The following TMEM217 variants were observed in gnomAD, a reference collection of about 807,000 sequenced individuals.
TMEM217 encodes chromosome 6 open reading frame 128.
For synonymous variants in TMEM217, 76 were observed against 88.3 expected, an observed-to-expected ratio of 0.86 and a Z score of 0.78; for missense variants, 204 against 248.8, an observed-to-expected ratio of 0.82 and a Z score of 1.21.
chr6:37,235,234 C>A (rs779350873), intron 1 of TMEM217, among the ~76,000 whole-genome samples: 2 of 152,100 alleles, frequency 1.3e-5, no homozygotes, highest in Non-Finnish European at 2.9e-5. Context: ...GGAAGTGATT[C>A]CAATTCCATC....
chr6:37,253,081 T>C (rs1373803947), intron 1 of TMEM217, among the ~76,000 whole-genome samples: 30 of 152,212 alleles, frequency 2.0e-4, no homozygotes, highest in Admixed American at 2.0e-3. Flanking sequence ...ACCCATATAT[T>C]CTTATTGAAA....
intron 1 of TMEM217, among the ~76,000 whole-genome samples, chr6:37,224,458 C>T (rs181015947): frequency 0.02 from 3,060 of 150,358 alleles, 100 homozygotes; most frequent in African/African-American, 0.068. Context: ...ATTAGCCGGG[C>T]GTGGTGGCGG....
intron 1 of TMEM217, among the ~76,000 whole-genome samples, chr6:37,236,962 G>A (rs1462441345): frequency 1.3e-5 from 2 of 152,154 alleles, no homozygotes; most frequent in Non-Finnish European, 2.9e-5. Flanking sequence ...GTCTCTCTGT[G>A]TGGGCTCCTT....
At chr6:37,215,895 G>T (rs77557110), downstream of TMEM217, among the ~76,000 whole-genome samples, 44 of 152,254 alleles carry the variant, frequency 2.9e-4, no homozygotes, top group East Asian at 3.9e-3. Context: ...GAGCAGAGGG[G>T]AAGGCTGTAT....
At chr6:37,221,047 A>C (rs1763484317) in intron 1 of TMEM217, among the ~76,000 whole-genome samples, 1 of 152,128 alleles carries the variant, frequency 6.6e-6, no homozygotes, top group Non-Finnish European at 1.5e-5. Flanking sequence ...CAATCTCTAG[A>C]ACTTTTTCAT....
intron 1 of TMEM217, among the ~76,000 whole-genome samples, chr6:37,232,103 G>C (rs139015577): frequency 1.2e-3 from 185 of 152,140 alleles, no homozygotes; most frequent in African/African-American, 4.3e-3. Flanking sequence ...TCTTTTGTTG[G>C]GGGGGAGAGA....
intron 1 of TMEM217, among the ~76,000 whole-genome samples, chr6:37,225,890 T>C (rs971041894): frequency 1.3e-5 from 2 of 152,182 alleles, no homozygotes; most frequent in Non-Finnish European, 2.9e-5. Context: ...CCTTTCCCCC[T>C]TCCTGTTTTT....
At chr6:37,247,551 C>G (rs998455143) in intron 1 of TMEM217, among the ~76,000 whole-genome samples, 2 of 152,004 alleles carry the variant, frequency 1.3e-5, no homozygotes, top group Non-Finnish European at 2.9e-5. Context: ...CCACAACCAG[C>G]TAATTTTTGT....
intron 1 of TMEM217, among the ~76,000 whole-genome samples, chr6:37,220,135 T>TA (rs1300661899): frequency 2.0e-5 from 3 of 152,048 alleles, no homozygotes; most frequent in African/African-American, 7.2e-5. Flanking sequence ...AAACAGGAAA[T>TA]AAAGTAGAGG....
intron 1 of TMEM217, among the ~76,000 whole-genome samples, chr6:37,237,225 C>G (rs895872034): frequency 6.6e-6 from 1 of 152,104 alleles, no homozygotes; most frequent in African/African-American, 2.4e-5. Context: ...TCTGAGTGTT[C>G]ACAATCAAAG....
downstream of TMEM217, among the ~76,000 whole-genome samples, chr6:37,215,996 T>G (rs1163689918): frequency 2.7e-4 from 4 of 14,788 alleles, no homozygotes; most frequent in East Asian, 0.01. Context: ...TTCTTCAGGG[T>G]GTGTGTGTGT....
exon 1 of TMEM217, chr6:37,258,047 G>C: frequency 1.3e-6 from 2 of 1,528,878 alleles, no homozygotes; most frequent in Non-Finnish European, 1.8e-6. Flanking sequence ...AATCCCGCGG[G>C]CCTGGGGCGC....
chr6:37,237,568 A>G (rs1343548091), intron 1 of TMEM217, among the ~76,000 whole-genome samples: 1 of 152,244 alleles, frequency 6.6e-6, no homozygotes, highest in African/African-American at 2.4e-5. Context: ...CTTGAATGTA[A>G]CAGAATTAGA....
chr6:37,218,948 A>G lies in TMEM217; in HGVS notation c.83T>C (p.Met28Thr), dbSNP rs746976518. Residue 28 changes from methionine (M) to threonine (T), a missense_variant, in exon 2 of 2, where the codon ATG becomes ACG. Physicochemically the swap from Met to Thr is moderately conservative, Grantham distance 81. Coordinates refer to ENST00000357219, the Ensembl canonical transcript of TMEM217. Reference sequence around the variant, plus strand: ...GTGCTTCTGTTCAAAGATGAGATACATGTCTACGGCCATGATGGTGAAGAC... The same window carrying G: ...GTGCTTCTGTTCAAAGATGAGATACGTGTCTACGGCCATGATGGTGAAGAC... The G allele has an allele frequency of 6.2e-5, 100 of 1,614,062 alleles. No homozygotes were observed. The highest frequency in any genetic ancestry group is 7.8e-5 in the Non-Finnish European group (92 of 1,180,052).
At chr6:37,247,730 T>TA (rs1246385339) in intron 1 of TMEM217, among the ~76,000 whole-genome samples, 12 of 151,976 alleles carry the variant, frequency 7.9e-5, no homozygotes, top group East Asian at 1.9e-4. Context: ...CTTAATCCTG[T>TA]GAAAAAAACT....
intron 1 of TMEM217, among the ~76,000 whole-genome samples, chr6:37,227,522 C>T (rs1318353256): frequency 3.9e-5 from 6 of 152,198 alleles, no homozygotes; most frequent in Non-Finnish European, 7.3e-5. Flanking sequence ...TCTTGGCTCA[C>T]TGCAACCTCC....
At chr6:37,256,061 A>C (rs1284831602) in intron 1 of TMEM217, among the ~76,000 whole-genome samples, 1 of 152,246 alleles carries the variant, frequency 6.6e-6, no homozygotes, top group Non-Finnish European at 1.5e-5. Context: ...TACACAAATC[A>C]TACTTTGCTT....
In TMEM217 at chr6:37,252,725, C is replaced by T. The variant is rs111741788; in HGVS notation, c.-12+4843G>A. Among the ~76,000 whole-genome samples, 478 of 150,274 alleles carry T rather than the reference C, an allele frequency of 3.2e-3. 2 individuals carry two copies. The highest frequency in any genetic ancestry group is 0.011 in the African/African-American group (444 of 40,804). On this transcript the variant is annotated intron_variant, in intron 1 of 1. Coordinates refer to ENST00000357219, the Ensembl canonical transcript of TMEM217. ...CACAATCTCGGCTCCCTGCAACCCCCGCCTCCTGGGCTCAAGTGATCCTCC... is the reference window on the plus strand; with the variant it reads ...CACAATCTCGGCTCCCTGCAACCCCTGCCTCCTGGGCTCAAGTGATCCTCC...
intron 1 of TMEM217, among the ~76,000 whole-genome samples, chr6:37,224,584 C>CTTTT (rs1763709466): frequency 6.7e-6 from 1 of 149,694 alleles, no homozygotes; most frequent in East Asian, 2.1e-4. Context: ...GGTGACAGAG[C>CTTTT]GAGACTCCTC....
Sources: gnomAD v4.1 joint callset for allele counts (sites outside exome capture counted in the v4.1 genomes callset) on GRCh38, gnomAD v4.1.1 for gene constraint, MANE v1.5 for transcripts, NCBI Gene and HGNC (gene_info 2026-07-23, HGNC 2026-07-21) for gene names.